Variants in NRF1 observed in about 807,000 individuals in gnomAD.
NRF1 encodes the protein nuclear respiratory factor 1, also known as alpha palindromic-binding protein.
In NRF1, 5 loss-of-function variants were observed where a neutral mutation model predicts 58.5. That is an observed-to-expected ratio of 0.09 (90% CI 0.04 to 0.18). The LOEUF (loss-of-function observed/expected upper bound fraction) is 0.18, where lower values mean the gene tolerates loss of function less well. NRF1 is among the 10% of genes least tolerant of loss of function. The pLI is 1.00. For missense variants in NRF1, 288 were observed against 657.7 expected (o/e 0.44, Z 6.15); for synonymous variants, 224 against 246.7 (o/e 0.91, Z 0.86).
intron 1 of NRF1, among the ~76,000 whole-genome samples, chr7:129,647,437 G>T (rs1254936681): frequency 7.4e-6 from 1 of 135,602 alleles, no homozygotes; most frequent in Non-Finnish European, 1.6e-5. Flanking sequence ...GAGTCTCGCT[G>T]TGTTGCCCAG....
chr7:129,642,059 AC>A (rs1801302887), intron 1 of NRF1, among the ~76,000 whole-genome samples: 1 of 150,644 alleles, frequency 6.6e-6, no homozygotes, highest in African/African-American at 2.4e-5. Context: ...GCTCACTGCA[AC>A]CTCCGCCTCC....
chr7:129,618,502 C>T (rs757989744), intron 1 of NRF1, among the ~76,000 whole-genome samples: 3 of 152,174 alleles, frequency 2.0e-5, no homozygotes, highest in Non-Finnish European at 4.4e-5. Flanking sequence ...CAAAACCAGT[C>T]TGGGCAACGT....
intron 1 of NRF1, among the ~76,000 whole-genome samples, chr7:129,617,835 TG>T (rs1331120058): frequency 4.6e-5 from 7 of 152,096 alleles, no homozygotes. Flanking sequence ...GCATTACTGA[TG>T]GAGAAGAGGG....
At chr7:129,670,196 G>A (rs560326753) in intron 2 of NRF1, among the ~76,000 whole-genome samples, 25 of 152,314 alleles carry the variant, frequency 1.6e-4, no homozygotes, top group Middle Eastern at 3.4e-3. Context: ...AGGGACAGAT[G>A]GGGAGTTGCT....
intron 9 of NRF1, among the ~76,000 whole-genome samples, chr7:129,721,847 C>A (rs1465067848): frequency 6.6e-6 from 1 of 152,008 alleles, no homozygotes; most frequent in African/African-American, 2.4e-5. Flanking sequence ...TAAAATGGGG[C>A]TTTTATATAC....
At chr7:129,626,367 ACAT>A (rs1479108199) in intron 1 of NRF1, among the ~76,000 whole-genome samples, 2 of 152,066 alleles carry the variant, frequency 1.3e-5, no homozygotes, top group African/African-American at 4.8e-5. Context: ...TGCGTTCTGG[ACAT>A]CATTTAGCCA....
At chr7:129,630,334 A>C (rs371320767) in intron 1 of NRF1, among the ~76,000 whole-genome samples, 3 of 152,232 alleles carry the variant, frequency 2.0e-5, no homozygotes, top group African/African-American at 7.2e-5. Context: ...CAGAGCTAAC[A>C]GTCTGAGCCT....
chr7:129,744,130 C>CTTTTTT (rs35034726), intron 10 of NRF1: 42 of 1,211,806 alleles, frequency 3.5e-5, no homozygotes, highest in East Asian at 1.1e-4. Flanking sequence ...TTGCCCGGTG[C>CTTTTTT]TTTTTTTTTT....
intron 8 of NRF1, among the ~76,000 whole-genome samples, chr7:129,715,101 G>A (rs1036770788): frequency 2.0e-4 from 30 of 152,244 alleles, no homozygotes; most frequent in African/African-American, 5.8e-4. Context: ...TGAGCAAAAC[G>A]GACTGAAGTA....
chr7:129,654,774 T>C (rs1364198001), intron 1 of NRF1, among the ~76,000 whole-genome samples: 1 of 152,242 alleles, frequency 6.6e-6, no homozygotes, highest in Non-Finnish European at 1.5e-5. Context: ...GCTCTATTTA[T>C]GTGGGTCTAT....
At chr7:129,648,917 AT>A (rs200283822) in intron 1 of NRF1, among the ~76,000 whole-genome samples, 41,410 of 121,066 alleles carry the variant, frequency 0.34, 7,293 homozygotes, top group Non-Finnish European at 0.46. Flanking sequence ...CTATAGCTTC[AT>A]TTTTTTTTTT....
In NRF1 at chr7:129,738,458, C is replaced by G. The variant is rs144560031; in HGVS notation, c.1348+11093C>G. ...AATAGGCTTTCTTTGCAGACAGGGA[C>G]TTTCCCATTTAAGTCAGCTAACTTT... On this transcript the variant is annotated intron_variant, in intron 10 of 10. Coordinates refer to ENST00000393232, the MANE Select transcript of NRF1 (RefSeq NM_005011.5). 3.6e-4 allele frequency among the ~76,000 whole-genome samples: 55 copies of G among 152,316 alleles called. No individual in the cohort carries two copies. The East Asian group carries it at 0.01, about 29-fold the overall frequency.
At chr7:129,632,265 C>A (rs1477231721) in intron 1 of NRF1, among the ~76,000 whole-genome samples, 2 of 151,962 alleles carry the variant, frequency 1.3e-5, no homozygotes, top group South Asian at 2.1e-4. Context: ...CAAAGGGAGA[C>A]CCTGTCTCTT....
chr7:129,706,502 T>C (rs1208827023), intron 5 of NRF1, among the ~76,000 whole-genome samples: 2 of 152,118 alleles, frequency 1.3e-5, no homozygotes, highest in African/African-American at 2.4e-5. Context: ...TAGGTAAGTG[T>C]TGAAGGAGAA....
intron 1 of NRF1, among the ~76,000 whole-genome samples, chr7:129,647,095 T>A (rs1002796450): frequency 2.0e-5 from 3 of 152,142 alleles, no homozygotes; most frequent in African/African-American, 7.2e-5. Context: ...GAGAATGCAG[T>A]GGCGCGATCT....
chr7:129,646,598 C>T (rs1163696685), intron 1 of NRF1, among the ~76,000 whole-genome samples: 1 of 152,174 alleles, frequency 6.6e-6, no homozygotes, highest in African/African-American at 2.4e-5. Context: ...GGTACTCAAC[C>T]ACCAGGAGAG....
intron 1 of NRF1, among the ~76,000 whole-genome samples, chr7:129,647,123 C>T (rs981870499): frequency 6.6e-6 from 1 of 152,054 alleles, no homozygotes; most frequent in Admixed American, 6.6e-5. Flanking sequence ...CTGCAACCTC[C>T]GCCTCCCGGG....
chr7:129,661,073 G>A (rs1053421505), intron 2 of NRF1, among the ~76,000 whole-genome samples: 1 of 151,376 alleles, frequency 6.6e-6, no homozygotes, highest in Non-Finnish European at 1.5e-5. Context: ...GCTAAGGCTT[G>A]GGGCTTGCAG....
At chr7:129,646,006 C>T (rs1332032790) in intron 1 of NRF1, among the ~76,000 whole-genome samples, 3 of 152,146 alleles carry the variant, frequency 2.0e-5, no homozygotes, top group Non-Finnish European at 2.9e-5. Flanking sequence ...TGTACCACCA[C>T]ACCCGGCTGA....
Sources: gnomAD v4.1 joint callset for allele counts (sites outside exome capture counted in the v4.1 genomes callset) on GRCh38, gnomAD v4.1.1 for gene constraint, MANE v1.5 for transcripts, NCBI Gene and HGNC (gene_info 2026-07-23, HGNC 2026-07-21) for gene names.